Variants in AKAP19 observed in about 807,000 individuals in gnomAD.
The protein encoded by AKAP19 is small A-kinase anchoring protein.
chr2:190,116,707 T>C, the AKAP19 span, among the ~76,000 whole-genome samples: 9 of 152,312 alleles, frequency 5.9e-5, no homozygotes, highest in African/African-American at 2.2e-4. Flanking sequence ...ATTTCTCTCT[T>C]CTGGTGTGCC....
At chr2:190,187,755 G>C in the AKAP19 span, among the ~76,000 whole-genome samples, 9,024 of 152,218 alleles carry the variant, frequency 0.059, 613 homozygotes, top group African/African-American at 0.16. Context: ...TCAGGAGGCT[G>C]AAGCCAGAGA....
the AKAP19 span, among the ~76,000 whole-genome samples, chr2:190,119,839 G>A: frequency 1.1e-3 from 170 of 152,244 alleles, 1 homozygote; most frequent in African/African-American, 3.9e-3. Flanking sequence ...GCAAAGAAAT[G>A]AAAAGTGGTA....
At chr2:189,943,876 G>T in the AKAP19 span, among the ~76,000 whole-genome samples, 3 of 152,284 alleles carry the variant, frequency 2.0e-5, no homozygotes, top group South Asian at 6.2e-4. Flanking sequence ...CTTTCTTTTG[G>T]CTGATTTCTC....
chr2:190,201,682 C>T, the AKAP19 span: 1 of 166,912 alleles, frequency 6.0e-6, no homozygotes, highest in Non-Finnish European at 1.5e-5. Flanking sequence ...TTTTCGTTGC[C>T]TTTGGACACC....
chr2:189,923,319 C>A, the AKAP19 span: 3 of 1,605,758 alleles, frequency 1.9e-6, no homozygotes, highest in Admixed American at 1.7e-5. Context: ...TTGTGAGAAA[C>A]CTTACCATCA....
At chr2:190,063,763 G>T in the AKAP19 span, among the ~76,000 whole-genome samples, 3 of 152,118 alleles carry the variant, frequency 2.0e-5, no homozygotes, top group Admixed American at 6.6e-5. Context: ...ACACCTGGCA[G>T]GGATTTGGGG....
the AKAP19 span, among the ~76,000 whole-genome samples, chr2:190,166,317 CTTTTTTTT>C: frequency 3.1e-5 from 2 of 65,298 alleles, no homozygotes; most frequent in African/African-American, 1.3e-4. Flanking sequence ...AAAATCCACT[CTTTTTTTT>C]TTTTTTTTTT....
chr2:190,130,448 A>G, the AKAP19 span, among the ~76,000 whole-genome samples: 1 of 152,344 alleles, frequency 6.6e-6, no homozygotes, highest in Non-Finnish European at 1.5e-5. Context: ...GTTAGATACA[A>G]GTTTCTAATT....
the AKAP19 span, among the ~76,000 whole-genome samples, chr2:190,087,798 A>G: frequency 6.6e-6 from 1 of 152,252 alleles, no homozygotes; most frequent in African/African-American, 2.4e-5. Context: ...CATGAAACCA[A>G]TAAACCTCTA....
the AKAP19 span, among the ~76,000 whole-genome samples, chr2:190,011,299 G>A: frequency 8.5e-5 from 13 of 152,078 alleles, no homozygotes; most frequent in African/African-American, 2.9e-4. Context: ...GGCCTTAAGT[G>A]ATCAGGCCTC....
chr2:189,940,886 G>A, the AKAP19 span, among the ~76,000 whole-genome samples: 12 of 151,708 alleles, frequency 7.9e-5, no homozygotes, highest in Admixed American at 2.0e-4. Context: ...GCAAGACTCC[G>A]TCTCAAAAAA....
At chr2:190,034,769 G>A in the AKAP19 span, among the ~76,000 whole-genome samples, 1 of 143,678 alleles carries the variant, frequency 7.0e-6, no homozygotes, top group South Asian at 2.2e-4. Context: ...TGAGAGAATC[G>A]CTTGAACCGG....
the AKAP19 span, among the ~76,000 whole-genome samples, chr2:190,029,960 A>G: frequency 6.6e-6 from 1 of 152,194 alleles, no homozygotes; most frequent in Admixed American, 6.5e-5. Flanking sequence ...TTTCTGTATT[A>G]TATGATTTTT....
At chr2:190,098,575 C>A in the AKAP19 span, among the ~76,000 whole-genome samples, 3 of 152,012 alleles carry the variant, frequency 2.0e-5, no homozygotes, top group Non-Finnish European at 4.4e-5. Context: ...TTCTTAAGGG[C>A]CCTAGGATTT....
the AKAP19 span, among the ~76,000 whole-genome samples, chr2:190,177,318 T>C: frequency 6.6e-6 from 1 of 152,166 alleles, no homozygotes; most frequent in Non-Finnish European, 1.5e-5. This position sits in a 1 kb window ranked among gnomAD's most constrained non-coding sequence, Gnocchi z 4.6. Context: ...GCGTTACCTC[T>C]CTCTAGCGTA....
chr2:190,102,693 T>TA, the AKAP19 span, among the ~76,000 whole-genome samples: 15 of 150,440 alleles, frequency 1.0e-4, no homozygotes, highest in Admixed American at 2.6e-4. Context: ...TCAGTAATAA[T>TA]AAAAAAAAAG....
the AKAP19 span, chr2:190,180,799 G>A: frequency 1.0e-5 from 10 of 985,198 alleles, no homozygotes; most frequent in Middle Eastern, 5.2e-4. The surrounding 1 kb of genome is among the most constrained non-coding windows in gnomAD (Gnocchi z 6.8). Flanking sequence ...CGCGGCGGGC[G>A]CGGCGGCGAC....
At chr2:190,165,317 C>A in the AKAP19 span, among the ~76,000 whole-genome samples, 3 of 151,800 alleles carry the variant, frequency 2.0e-5, no homozygotes, top group Non-Finnish European at 2.9e-5. Context: ...GGCGCCTGTA[C>A]TCCCAGATAC....
At chr2:190,092,033 A>T in the AKAP19 span, among the ~76,000 whole-genome samples, 2 of 152,194 alleles carry the variant, frequency 1.3e-5, no homozygotes, top group East Asian at 3.8e-4. Flanking sequence ...ATTAAACATG[A>T]CTATACTATA....
Sources: allele counts gnomAD v4.1 joint callset (sites outside exome capture counted in the v4.1 genomes callset), GRCh38; gene constraint gnomAD v4.1.1; non-coding constraint Gnocchi (gnomAD v3.1); transcripts MANE v1.5; gene names NCBI Gene and HGNC (gene_info 2026-07-23, HGNC 2026-07-21).